ACSF2: variants seen among roughly 807,000 people sequenced by gnomAD.
ACSF2 encodes medium-chain acyl-CoA ligase ACSF2, mitochondrial.
ACSF2 carries 52 observed loss-of-function variants against 79.3 expected under a neutral mutation model. That is an observed-to-expected ratio of 0.66 (90% CI 0.53 to 0.83). ACSF2 has a LOEUF of 0.83. Ranked by LOEUF, ACSF2 falls within the 40% of genes least tolerant of loss-of-function variation. The pLI, the probability that ACSF2 is intolerant of heterozygous loss-of-function variation, is 0.00. For synonymous variants in ACSF2, 283 were observed against 312.6 expected (o/e 0.91, Z 1.00); for missense variants, 661 against 803.3 (o/e 0.82, Z 2.14).
At chr17:50,431,454 G>T (rs575065231) in intron 1 of ACSF2, among the ~76,000 whole-genome samples, 2 of 152,194 alleles carry the variant, frequency 1.3e-5, no homozygotes, top group Non-Finnish European at 2.9e-5. Flanking sequence ...TTCCCAAAGA[G>T]CCTGGGGTTA....
At position 50,464,236 on chromosome 17, in the gene ACSF2, C is replaced by G; in HGVS notation, c.1157C>G (p.Pro386Arg). 1 of 1,614,180 alleles carries G rather than the reference C, an allele frequency of 6.2e-7. No individual in the cohort carries two copies. The highest frequency in any genetic ancestry group is 8.5e-7 in the Non-Finnish European group (1 of 1,180,040). Residue 386 changes from proline to arginine, a missense_variant, in exon 10 of 16, where the codon CCT becomes CGT. Transcript: ENST00000300441. ...GATTCAGGTGTCATTGCTGGGTCCC[C>G]TGCACCTCCAGAGTTGATCCGAGCC... ...TMCGGVIAGS[P>R]APPELIRAII...
chr17:50,461,857 G>C (rs2032348590), intron 4 of ACSF2, among the ~76,000 whole-genome samples, 171 bp downstream of exon 4: 1 of 152,104 alleles, frequency 6.6e-6, no homozygotes, highest in South Asian at 2.1e-4. Context: ...ACTCCAAGGA[G>C]AGCGTGGTTG....
intron 10 of ACSF2, chr17:50,468,579 A>G (rs747134958): frequency 6.2e-7 from 1 of 1,614,208 alleles, no homozygotes; most frequent in South Asian, 1.1e-5. Flanking sequence ...AGGTGCAATG[A>G]CACGAGGTTC....
At chr17:50,451,587 T>G (rs2031678705) in intron 1 of ACSF2, among the ~76,000 whole-genome samples, 1 of 152,172 alleles carries the variant, frequency 6.6e-6, no homozygotes, top group African/African-American at 2.4e-5. Context: ...GTAGCTGGGA[T>G]TACAGGCACC....
rs192023009 is a variant in ACSF2 at position 50,462,409 on chromosome 17, C to T, written c.627-11C>T. On this transcript the variant is annotated splice_polypyrimidine_tract_variant and intron_variant, in intron 5 of 15. Coordinates refer to ENST00000300441, the MANE Select transcript of ACSF2 (RefSeq NM_025149.6). Reference sequence around the variant, plus strand: ...TCAGCCCCTGTCTCTCACCATCGTCCCCAACCCCAGGCTCCCAGATCTGAC... The same window carrying T: ...TCAGCCCCTGTCTCTCACCATCGTCTCCAACCCCAGGCTCCCAGATCTGAC... 1,561 of 1,613,000 alleles carry T rather than the reference C, an allele frequency of 9.7e-4. 2 individuals carry two copies. Among genetic ancestry groups the T allele is most frequent in the South Asian group, 3.0e-3 (277 of 91,062 alleles).
chr17:50,458,454 C>T (rs2032146328), intron 1 of ACSF2, among the ~76,000 whole-genome samples: 1 of 152,152 alleles, frequency 6.6e-6, no homozygotes, highest in African/African-American at 2.4e-5. Flanking sequence ...AATACTTCCT[C>T]ACCCTTCAGC....
At chr17:50,434,663 G>A (rs539297121) in intron 1 of ACSF2, among the ~76,000 whole-genome samples, 31 of 151,972 alleles carry the variant, frequency 2.0e-4, no homozygotes, top group Non-Finnish European at 3.5e-4. Context: ...TCCAGCCTGG[G>A]CAAAAGAGCA....
At chr17:50,459,726 C>T (rs1307458353) in intron 1 of ACSF2, among the ~76,000 whole-genome samples, 5 of 152,076 alleles carry the variant, frequency 3.3e-5, no homozygotes, top group East Asian at 1.9e-4. Flanking sequence ...TTACTACTCC[C>T]GTGACTGCCC....
rs867799068 is a variant in ACSF2, at chr17:50,467,870, G to A, written c.1216-3158G>A. On this transcript the variant is annotated intron_variant, in intron 10 of 15. Transcript: ENST00000300441. Reference sequence around the variant, plus strand: ...AGACTGGCAGCAGACAGGGATTAGGGTAGGGATGTGACAAGGCGAGGAAGG... The same window carrying A: ...AGACTGGCAGCAGACAGGGATTAGGATAGGGATGTGACAAGGCGAGGAAGG... 9 of 623,682 alleles carry A rather than the reference G, an allele frequency of 1.4e-5. No homozygotes were observed. In the Middle Eastern group the frequency reaches 1.1e-3, roughly 79 times the overall value. The allele number at this position is 623,682 out of a possible 1,614,324, so 38.6% of individuals were successfully genotyped here. A position where few individuals can be genotyped will look rare whatever the true frequency, so the allele number is the denominator to read the frequency against.
chr17:50,466,468 C>T (rs2032736994), intron 10 of ACSF2, among the ~76,000 whole-genome samples: 1 of 152,210 alleles, frequency 6.6e-6, no homozygotes, highest in African/African-American at 2.4e-5. Context: ...AGTGGGTAAA[C>T]AGTAGCCACA....
chr17:50,452,684 A>T (rs2031751877), intron 1 of ACSF2, among the ~76,000 whole-genome samples: 1 of 151,968 alleles, frequency 6.6e-6, no homozygotes, highest in East Asian at 1.9e-4. Flanking sequence ...AAATAAAGTT[A>T]AAAAAAAGAA....
intron 1 of ACSF2, among the ~76,000 whole-genome samples, chr17:50,433,784 A>AAATTTTTT (rs1479529976): frequency 3.3e-5 from 5 of 151,790 alleles, no homozygotes; most frequent in Admixed American, 2.0e-4. Context: ...ATGCCTTGCT[A>AAATTTTTT]AATTTTTTGT....
intron 3 of ACSF2, 109 bp from the exon 4 acceptor site, chr17:50,461,524 G>A: frequency 6.3e-7 from 1 of 1,589,996 alleles, no homozygotes. Context: ...GAGGTCTCTG[G>A]GAGTTAGGGG....
At chr17:50,446,300 A>C (rs1429860414) in intron 1 of ACSF2, among the ~76,000 whole-genome samples, 2 of 152,074 alleles carry the variant, frequency 1.3e-5, no homozygotes. Context: ...GATTCAGAAA[A>C]GTACACTTTT....
intron 1 of ACSF2, among the ~76,000 whole-genome samples, chr17:50,457,112 TG>T (rs1027527123): frequency 2.3e-4 from 35 of 152,220 alleles, no homozygotes; most frequent in African/African-American, 7.5e-4. Context: ...AAAAGACCTC[TG>T]GGAAGTCCAG....
At chr17:50,446,864 A>C (rs2031336900) in intron 1 of ACSF2, among the ~76,000 whole-genome samples, 1 of 152,240 alleles carries the variant, frequency 6.6e-6, no homozygotes, top group Admixed American at 6.5e-5. Flanking sequence ...ATTACAAATA[A>C]GTCACCACTT....
At chr17:50,444,179 A>G (rs925082964) in intron 1 of ACSF2, among the ~76,000 whole-genome samples, 4 of 152,174 alleles carry the variant, frequency 2.6e-5, no homozygotes, top group African/African-American at 7.2e-5. Context: ...TTATATCTAT[A>G]TATAATTTTT....
intron 10 of ACSF2, chr17:50,465,221 T>C (rs539727247): frequency 2.0e-5 from 32 of 1,575,056 alleles, no homozygotes; most frequent in Non-Finnish European, 2.6e-5. Flanking sequence ...CCAGGGGGTA[T>C]CCTGGAAGAT....
intron 10 of ACSF2, chr17:50,464,779 G>GTGGT: frequency 3.8e-6 from 1 of 259,844 alleles, no homozygotes; most frequent in Non-Finnish European, 7.4e-6. Flanking sequence ...TGGGGGGGGG[G>GTGGT]TCTCAGCAAC....
Sources: allele counts gnomAD v4.1 joint callset (sites outside exome capture counted in the v4.1 genomes callset), GRCh38; gene constraint gnomAD v4.1.1; transcripts MANE v1.5; gene names NCBI Gene and HGNC (gene_info 2026-07-23, HGNC 2026-07-21).